PDIA5: variants seen among roughly 807,000 people sequenced by gnomAD.
PDIA5 encodes the protein protein disulfide isomerase family A member 5, also known as protein disulfide-isomerase A5.
PDIA5 carries 58 observed loss-of-function variants against 77.6 expected under a neutral mutation model. The observed-to-expected ratio is 0.75, with a 90% CI of 0.61 to 0.93. The LOEUF (loss-of-function observed/expected upper bound fraction) is 0.93, where lower values mean the gene tolerates loss of function less well. Among genes scored for constraint, PDIA5 ranks in the 40% least tolerant of loss-of-function variants. PDIA5 has a pLI of 0.00. For missense variants in PDIA5, 630 were observed against 647.7 expected, an observed-to-expected ratio of 0.97 and a Z score of 0.30; for synonymous variants, 250 against 252.1, an observed-to-expected ratio of 0.99 and a Z score of 0.08.
chr3:123,101,906 CTT>C (rs71623603), intron 3 of PDIA5, among the ~76,000 whole-genome samples: 1,305 of 71,318 alleles, frequency 0.018, 5 homozygotes, highest in Non-Finnish European at 0.026. Flanking sequence ...TTCTTTCTTG[CTT>C]TTTTTTTTTT....
Position 123,141,309 on chromosome 3 carries a change from C to G in PDIA5, c.911-4213C>G, listed in dbSNP as rs960220530. The stretch of plus-strand genomic sequence containing the variant: ...ATGGGGAGAGTGGTCAAGGGAGCCT[C>G]TCTTTCCTGCCTCTCCCACCTCCCT... On this transcript the variant is annotated intron_variant, in intron 11 of 16. Transcript: ENST00000316218. Among the ~76,000 whole-genome samples the G allele has an allele frequency of 1.0e-4, 15 of 149,778 alleles. 1 individual carries two copies. In the East Asian group the frequency reaches 2.9e-3, roughly 29 times the overall value.
rs1936156877 is a variant in PDIA5 at position 123,161,391 on chromosome 3, G to C, written c.1415G>C (p.Gly472Ala). 1 of 1,614,062 alleles carries C rather than the reference G, an allele frequency of 6.2e-7. No individual in the cohort carries two copies. The highest frequency in any genetic ancestry group is 1.7e-5 in the Admixed American group (1 of 60,006). ...QDLCQQEAVK[G>A]YPTFHYYHYG... Reference sequence around the variant, plus strand: ...CTGTGCCAGCAGGAGGCGGTCAAGGGCTACCCCACTTTCCACTACTACCAC... The same window carrying C: ...CTGTGCCAGCAGGAGGCGGTCAAGGCCTACCCCACTTTCCACTACTACCAC... The change falls in exon 16 of 17, where the codon GGC becomes GCC. Residue 472 changes from glycine to alanine, a missense_variant. By Grantham distance (60) the Gly-to-Ala change is moderately conservative. Coordinates refer to ENST00000316218, the MANE Select transcript of PDIA5 (RefSeq NM_006810.4).
intron 1 of PDIA5, among the ~76,000 whole-genome samples, chr3:123,086,562 A>C (rs1934143214): frequency 6.6e-6 from 1 of 152,346 alleles, no homozygotes; most frequent in African/African-American, 2.4e-5. Context: ...TCTCAGTATG[A>C]CCAAGCATAT....
chr3:123,150,242 C>T lies in PDIA5; in HGVS notation c.1151C>T (p.Ala384Val), dbSNP rs770545678. The change falls in exon 14 of 17, where the codon GCC becomes GTC. Residue 384 changes from alanine (A) to valine (V), a missense_variant. Coordinates refer to ENST00000316218, the MANE Select transcript of PDIA5 (RefSeq NM_006810.4). ...KFLEWMQNPE[A>V]PPPPEPTWEE... ...CCCCTGGCTTCTTGCAGCCCTGAGG[C>T]CCCCCCGCCCCCAGAGCCCACGTGG... is the stretch of plus-strand genomic sequence containing the variant. 11 of 1,606,086 alleles carry T rather than the reference C, an allele frequency of 6.8e-6. No individual in the cohort carries two copies. The highest frequency in any genetic ancestry group is 6.7e-5 in the Admixed American group (4 of 59,304).
intron 14 of PDIA5, among the ~76,000 whole-genome samples, chr3:123,153,328 C>A (rs1935954732): frequency 6.6e-6 from 1 of 152,192 alleles, no homozygotes; most frequent in Non-Finnish European, 1.5e-5. Context: ...CACAAGGGGC[C>A]TGCAGCTGCC....
chr3:123,117,424 T>C (rs1442233807), intron 8 of PDIA5, among the ~76,000 whole-genome samples: 2 of 122,434 alleles, frequency 1.6e-5, no homozygotes, highest in African/African-American at 6.4e-5. Context: ...AGGGTCTCAC[T>C]ATGTTGCCCA....
At chr3:123,080,871 G>A (rs149470031) in intron 1 of PDIA5, among the ~76,000 whole-genome samples, 55 of 147,960 alleles carry the variant, frequency 3.7e-4, no homozygotes, top group African/African-American at 1.3e-3. Context: ...GTGGTGTCAG[G>A]GACCCAGGTA....
At chr3:123,076,289 C>A (rs1218061353) in intron 1 of PDIA5, among the ~76,000 whole-genome samples, 2 of 152,112 alleles carry the variant, frequency 1.3e-5, no homozygotes, top group African/African-American at 4.8e-5. Context: ...CGAGGCAAAT[C>A]CCTTCTCTGA....
chr3:123,091,775 C>T (rs1358880927), intron 2 of PDIA5, among the ~76,000 whole-genome samples: 1 of 152,192 alleles, frequency 6.6e-6, no homozygotes, highest in African/African-American at 2.4e-5. Flanking sequence ...GCTTAGGTGT[C>T]TTTGGCATTG....
chr3:123,088,498 T>G (rs569605717), intron 1 of PDIA5, among the ~76,000 whole-genome samples: 1 of 152,124 alleles, frequency 6.6e-6, no homozygotes, highest in South Asian at 2.1e-4. Flanking sequence ...TGGGATGGAG[T>G]TTTTACTTTG....
At chr3:123,067,247 G>C in intron 1 of PDIA5, 41 bp downstream of exon 1, 1 of 1,232,142 alleles carries the variant, frequency 8.1e-7, no homozygotes, top group Non-Finnish European at 1.0e-6. Flanking sequence ...GCCAGCACGT[G>C]TGTCCCGCGT....
intron 8 of PDIA5, among the ~76,000 whole-genome samples, chr3:123,122,735 T>G (rs980695810): frequency 6.6e-6 from 1 of 152,240 alleles, no homozygotes; most frequent in Non-Finnish European, 1.5e-5. Context: ...CAAGGTCACA[T>G]GACTCATAAG....
At chr3:123,157,525 C>T (rs757315401) in intron 15 of PDIA5, among the ~76,000 whole-genome samples, 35 of 152,218 alleles carry the variant, frequency 2.3e-4, no homozygotes, top group Non-Finnish European at 5.9e-5. Flanking sequence ...ACAGCCAGAA[C>T]TGGGTCTCCT....
intron 14 of PDIA5, 104 bp downstream of exon 14, chr3:123,150,468 T>C (rs189788946): frequency 1.8e-6 from 2 of 1,119,698 alleles, no homozygotes; most frequent in Admixed American, 4.9e-5. Context: ...CAGCCGCTGA[T>C]GGATCCCAGG....
In PDIA5 at chr3:123,115,984, T is replaced by C. The variant is rs147656199; in HGVS notation, c.542-247T>C. ...TCCCATCATGTCATGTTTGTTTCTT[T>C]AGTCCAACATTTATGAGTGGCTGCT... is the stretch of plus-strand genomic sequence containing the variant. On this transcript the variant is annotated intron_variant, in intron 7 of 16. Transcript: ENST00000316218. Among the ~76,000 whole-genome samples the C allele has an allele frequency of 9.6e-4, 146 of 152,378 alleles. 1 individual carries two copies. Among genetic ancestry groups the C allele is most frequent in the Admixed American group, 2.4e-3 (36 of 15,306 alleles).
intron 11 of PDIA5, among the ~76,000 whole-genome samples, chr3:123,135,745 C>CTTTTTTTTTTTTTTTTT (rs766560888): frequency 3.7e-5 from 3 of 80,468 alleles, no homozygotes; most frequent in Non-Finnish European, 6.6e-5. Context: ...GAGGTAACAA[C>CTTTTTTTTTTTTTTTTT]TTTTTTTTTT....
intron 11 of PDIA5, among the ~76,000 whole-genome samples, chr3:123,139,668 G>A (rs1935579492): frequency 6.6e-6 from 1 of 152,164 alleles, no homozygotes; most frequent in African/African-American, 2.4e-5. Context: ...TGGCTTGGTT[G>A]CCAGTTCTAC....
At chr3:123,151,754 G>GCCTGCCTA (rs1935899924) in intron 14 of PDIA5, among the ~76,000 whole-genome samples, 1 of 140,332 alleles carries the variant, frequency 7.1e-6, no homozygotes, top group East Asian at 2.2e-4. Context: ...CTGCCTGCCT[G>GCCTGCCTA]CCTGCCTGCC....
intron 10 of PDIA5, among the ~76,000 whole-genome samples, chr3:123,126,846 G>A (rs537790293): frequency 6.6e-6 from 1 of 152,342 alleles, no homozygotes; most frequent in African/African-American, 2.4e-5. Context: ...CCAGGGAAGG[G>A]TGGCACCAGG....
Sources: allele counts gnomAD v4.1 joint callset (sites outside exome capture counted in the v4.1 genomes callset), GRCh38; gene constraint gnomAD v4.1.1; transcripts MANE v1.5; gene names NCBI Gene and HGNC (gene_info 2026-07-23, HGNC 2026-07-21).